The following RAB40B variants were observed in gnomAD, a reference collection of about 807,000 sequenced individuals.
RAB40B encodes the protein ras-related protein Rab-40B.
RAB40B carries 21 observed loss-of-function variants against 24.0 expected under a neutral mutation model. The observed-to-expected ratio is 0.88, with a 90% CI of 0.62 to 1.26. The LOEUF (loss-of-function observed/expected upper bound fraction) is 1.26. RAB40B is among the 50% of genes most tolerant of loss of function. The probability of loss-of-function intolerance (pLI) is 0.00; values close to 1 mark genes in which losing one functional copy is unlikely to be tolerated. For synonymous variants in RAB40B, 167 were observed against 169.8 expected, an observed-to-expected ratio of 0.98 and a Z score of 0.13; for missense variants, 348 against 390.5, an observed-to-expected ratio of 0.89 and a Z score of 0.92.
In RAB40B at chr17:82,675,826, G is replaced by C. The variant is rs1380764575; in HGVS notation, c.143-11270C>G. On this transcript the variant is annotated intron_variant, in intron 1 of 5. Coordinates refer to ENST00000571995, the MANE Select transcript of RAB40B (RefSeq NM_006822.3). The surrounding 1 kb of genome is among the most constrained non-coding windows in gnomAD (Gnocchi z 4.5). ...TTAGGTTTCAGCACCCGAATTTGGG[G>C]GGGTCACAAACATTCACTCTCTTGC... 6.6e-6 allele frequency among the ~76,000 whole-genome samples: 1 copy of C among 152,076 alleles called. No homozygotes were observed. Among genetic ancestry groups the C allele is most frequent in the African/African-American group, 2.4e-5 (1 of 41,386 alleles).
At chr17:82,688,195 A>G (rs773522891) in intron 1 of RAB40B, among the ~76,000 whole-genome samples, 1 of 152,078 alleles carries the variant, frequency 6.6e-6, no homozygotes, top group Non-Finnish European at 1.5e-5. Context: ...CTAATTTTTA[A>G]ACTTTCTGTA....
At chr17:82,680,695 C>T in intron 1 of RAB40B, among the ~76,000 whole-genome samples, 1 of 152,106 alleles carries the variant, frequency 6.6e-6, no homozygotes, top group Admixed American at 6.5e-5. Context: ...GTAATTTTAA[C>T]ATTTTTCATA....
intron 1 of RAB40B, among the ~76,000 whole-genome samples, chr17:82,689,618 G>A (rs2244094): frequency 0.63 from 96,496 of 152,158 alleles, 32,278 homozygotes; most frequent in East Asian, 0.81. Flanking sequence ...AATGCATAGA[G>A]ACATTTAATG....
chr17:82,678,489 T>G (rs2046416972), intron 1 of RAB40B, among the ~76,000 whole-genome samples: 1 of 152,136 alleles, frequency 6.6e-6, no homozygotes, highest in Non-Finnish European at 1.5e-5. Flanking sequence ...GCATAATGAG[T>G]AAATATTTTA....
rs1385156204 is a variant in RAB40B at position 82,667,538 on chromosome 17, C to G, written c.143-2982G>C. Reference sequence around the variant, plus strand: ...CTGCTTCCTCCTCCGGGCCCTGCCCCCTTCCTGGACTCCAGAGGCTCTTTC... The same window carrying G: ...CTGCTTCCTCCTCCGGGCCCTGCCCGCTTCCTGGACTCCAGAGGCTCTTTC... On this transcript the variant is annotated intron_variant, in intron 1 of 5. Coordinates refer to ENST00000571995, the MANE Select transcript of RAB40B (RefSeq NM_006822.3). The surrounding 1 kb of genome is among the most constrained non-coding windows in gnomAD (Gnocchi z 4.3). 1.3e-5 allele frequency among the ~76,000 whole-genome samples: 2 copies of G among 152,222 alleles called. No individual in the cohort carries two copies. Among genetic ancestry groups the G allele is most frequent in the South Asian group, 2.1e-4 (1 of 4,830 alleles).
chr17:82,655,593 T>C lies in RAB40B; in HGVS notation c.*2270A>G, dbSNP rs1180460807. ...CCCCTCAACGTGGGTTTCTTCAACG[T>C]GGACTCTCCTTTCTGTGCATCTCAG... On this transcript the variant is annotated 3_prime_UTR_variant, in exon 6 of 6. Transcript: ENST00000571995. The C allele has an allele frequency of 6.6e-6, 1 of 152,282 alleles. No homozygotes were observed. Among genetic ancestry groups the C allele is most frequent in the Non-Finnish European group, 1.5e-5 (1 of 68,058 alleles). 9.4% of individuals were successfully genotyped at this position (152,282 alleles called of 1,614,324 possible).
intron 2 of RAB40B, chr17:82,662,533 G>T: frequency 1.0e-6 from 1 of 985,368 alleles, no homozygotes; most frequent in South Asian, 4.7e-5. Context: ...GGGAGGTGAG[G>T]GCAGGTGGGG....
intron 1 of RAB40B, among the ~76,000 whole-genome samples, chr17:82,677,329 G>A (rs1009260043): frequency 6.6e-6 from 1 of 152,204 alleles, no homozygotes; most frequent in African/African-American, 2.4e-5. Flanking sequence ...CCAAGTCCCA[G>A]GTTCTCAGCC....
At chr17:82,679,637 A>G (rs1340885260) in intron 1 of RAB40B, among the ~76,000 whole-genome samples, 4 of 150,292 alleles carry the variant, frequency 2.7e-5, no homozygotes, top group African/African-American at 9.8e-5. Flanking sequence ...CCAAAAGGTG[A>G]GGCCTGGGAC....
rs780045248 is a variant in RAB40B at position 82,692,377 on chromosome 17, C to T, written c.142+6078G>A. Among the ~76,000 whole-genome samples the T allele has an allele frequency of 8.6e-4, 131 of 152,194 alleles. No individual in the cohort carries two copies. Among genetic ancestry groups the T allele is most frequent in the Non-Finnish European group, 1.3e-3 (87 of 68,034 alleles). On this transcript the variant is annotated intron_variant, in intron 1 of 5. Transcript: ENST00000571995. This position sits in a 1 kb window ranked among gnomAD's most constrained non-coding sequence, Gnocchi z 4.0. ...CGCCCAGGAGGGAGAATCCAGGCCT[C>T]GCTGACCGTATCGGAGCAAAGGGAA...
At chr17:82,698,131 C>T (rs1021591607) in intron 1 of RAB40B, among the ~76,000 whole-genome samples, 2 of 151,956 alleles carry the variant, frequency 1.3e-5, no homozygotes, top group African/African-American at 4.8e-5. Flanking sequence ...GGCCCAGCCG[C>T]GGGCTCCCGC....
In RAB40B at chr17:82,667,295, G is replaced by A. The variant is rs2046270048; in HGVS notation, c.143-2739C>T. On this transcript the variant is annotated intron_variant, in intron 1 of 5. Coordinates refer to ENST00000571995, the MANE Select transcript of RAB40B (RefSeq NM_006822.3). The surrounding 1 kb of genome is among the most constrained non-coding windows in gnomAD (Gnocchi z 4.3). The stretch of plus-strand genomic sequence containing the variant: ...GGTGTGCAGTGGCGGTGCCACCGGT[G>A]GCCTCCCACTTGGCTTGGACAGCTG... Among the ~76,000 whole-genome samples, 1 of 152,252 alleles carries A rather than the reference G, an allele frequency of 6.6e-6. No individual in the cohort carries two copies. The highest frequency in any genetic ancestry group is 1.5e-5 in the Non-Finnish European group (1 of 68,048).
chr17:82,693,377 C>G (rs2046577499), intron 1 of RAB40B, among the ~76,000 whole-genome samples: 2 of 152,256 alleles, frequency 1.3e-5, no homozygotes, highest in East Asian at 3.9e-4. Context: ...CAGAGAAATG[C>G]AAAGGCAAAC....
chr17:82,664,557 C>T lies in RAB40B; in HGVS notation c.143-1G>A, dbSNP rs1484315187. 2.5e-5 allele frequency: 40 copies of T among 1,613,472 alleles called. No homozygotes were observed. Among genetic ancestry groups the T allele is most frequent in the Non-Finnish European group, 3.4e-5 (40 of 1,179,594 alleles). Reference sequence around the variant, plus strand: ...ATGGTGGTCGTCTTGTAGTCGATGCCTGCGGAAGGGTTAGAGACGGCTTAG... The same window carrying T: ...ATGGTGGTCGTCTTGTAGTCGATGCTTGCGGAAGGGTTAGAGACGGCTTAG... On this transcript the variant is annotated splice_acceptor_variant, in intron 1 of 5. Coordinates refer to ENST00000571995, the MANE Select transcript of RAB40B (RefSeq NM_006822.3). LOFTEE classifies it high-confidence loss of function.
Position 82,675,303 on chromosome 17 carries a change from C to T in RAB40B, c.143-10747G>A, listed in dbSNP as rs752075833. On this transcript the variant is annotated intron_variant, in intron 1 of 5. Coordinates refer to ENST00000571995, the MANE Select transcript of RAB40B (RefSeq NM_006822.3). This position sits in a 1 kb window ranked among gnomAD's most constrained non-coding sequence, Gnocchi z 4.5. ...GCTGGCAGTTCCCATTAGCACAGCC[C>T]GGATGCATAACCCACACCCACAACC... is the stretch of plus-strand genomic sequence containing the variant. Among the ~76,000 whole-genome samples, 1 of 152,192 alleles carries T rather than the reference C, an allele frequency of 6.6e-6. No homozygotes were observed. The highest frequency in any genetic ancestry group is 2.4e-5 in the African/African-American group (1 of 41,442).
chr17:82,661,151 C>T, intron 2 of RAB40B, 104 bp from the exon 3 acceptor site: 3 of 1,516,046 alleles, frequency 2.0e-6, no homozygotes, highest in Admixed American at 2.2e-5. Flanking sequence ...ACCCGCCAGT[C>T]AGCAGCCACC....
At chr17:82,691,072 A>G (rs527572868) in intron 1 of RAB40B, among the ~76,000 whole-genome samples, 5 of 152,318 alleles carry the variant, frequency 3.3e-5, no homozygotes, top group Admixed American at 2.6e-4. Flanking sequence ...GGGGAGGGCC[A>G]GGCCCTGCAC....
chr17:82,680,449 C>T (rs1215617962), intron 1 of RAB40B, among the ~76,000 whole-genome samples: 1 of 152,120 alleles, frequency 6.6e-6, no homozygotes, highest in Non-Finnish European at 1.5e-5. Flanking sequence ...TGGAGGGTTC[C>T]AGGAGGCCAC....
chr17:82,657,752 C>G lies in RAB40B; in HGVS notation c.*111G>C. 1 of 1,324,476 alleles carries G rather than the reference C, an allele frequency of 7.6e-7. No individual in the cohort carries two copies. The highest frequency in any genetic ancestry group is 1.1e-6 in the Non-Finnish European group (1 of 917,950). 82.0% of individuals were successfully genotyped at this position (1,324,476 alleles called of 1,614,324 possible). A position where few individuals can be genotyped will look rare whatever the true frequency, so the allele number is the denominator to read the frequency against. The stretch of plus-strand genomic sequence containing the variant: ...ACACGGAAGGCGTCGCACACATTCG[C>G]AAGCAGCATTCGCCGAGAGGAACCG... On this transcript the variant is annotated 3_prime_UTR_variant, in exon 6 of 6. Coordinates refer to ENST00000571995, the MANE Select transcript of RAB40B (RefSeq NM_006822.3).
Sources: gnomAD v4.1 joint callset for allele counts (sites outside exome capture counted in the v4.1 genomes callset) on GRCh38, gnomAD v4.1.1 for gene constraint, Gnocchi (gnomAD v3.1) non-coding constraint, MANE v1.5 for transcripts, NCBI Gene and HGNC (gene_info 2026-07-23, HGNC 2026-07-21) for gene names.